UACA: variants seen among roughly 807,000 people sequenced by gnomAD.
The protein encoded by UACA is uveal autoantigen with coiled-coil domains and ankyrin repeats, also known as nuclear membrane binding protein.
UACA carries 112 observed loss-of-function variants against 160.5 expected under a neutral mutation model. The ratio of observed to expected loss-of-function variants is 0.70; its 90% confidence interval spans 0.60 to 0.82. The LOEUF is 0.82. Among genes scored for constraint, UACA ranks in the 40% least tolerant of loss-of-function variants. The probability of loss-of-function intolerance (pLI) is 0.00; values close to 1 mark genes in which losing one functional copy is unlikely to be tolerated. For synonymous variants in UACA, 557 were observed against 568.4 expected, an observed-to-expected ratio of 0.98 and a Z score of 0.29; for missense variants, 1,574 against 1,614.6, an observed-to-expected ratio of 0.97 and a Z score of 0.43.
At chr15:70,773,376 A>T in the UACA span, among the ~76,000 whole-genome samples, 3 of 152,336 alleles carry the variant, frequency 2.0e-5, no homozygotes, top group East Asian at 5.8e-4. Context: ...GAGAGCAGAG[A>T]AATAGGGATA....
At position 70,667,362 on chromosome 15, in the gene UACA, G is replaced by C. The variant is rs143154561; in HGVS notation, c.3322C>G (p.Gln1108Glu). 2.9e-5 allele frequency: 46 copies of C among 1,612,238 alleles called. No individual in the cohort carries two copies. The Middle Eastern group carries it at 1.7e-3, about 58-fold the overall frequency. ...SEILAVQNLL[Q>E]KQHVPLEQVE... ...TGTTCCAATGGAACATGTTGTTTTTGCAAAAGATTTTGCACTGCAAGTATC... is the reference window on the plus strand; with the variant it reads ...TGTTCCAATGGAACATGTTGTTTTTCCAAAAGATTTTGCACTGCAAGTATC... The change falls in exon 16 of 19, where the codon CAA becomes GAA. Residue 1108 changes from glutamine to glutamate, a missense_variant. Gln to Glu is a conservative substitution (Grantham distance 29). Coordinates refer to ENST00000322954, the MANE Select transcript of UACA (RefSeq NM_018003.4).
chr15:70,763,734 C>A, upstream of UACA: 1 of 290,048 alleles, frequency 3.4e-6, no homozygotes, highest in East Asian at 6.6e-5. Flanking sequence ...CGGGAAGGGG[C>A]GGAGGAGGTG....
intron 2 of UACA, among the ~76,000 whole-genome samples, chr15:70,699,080 G>A (rs1032155728): frequency 7.2e-5 from 11 of 152,144 alleles, no homozygotes; most frequent in African/African-American, 2.7e-4. Flanking sequence ...TGGGGGTTGG[G>A]AGAAAAGACA....
At chr15:70,743,982 C>T (rs1358701159) in intron 1 of UACA, among the ~76,000 whole-genome samples, 1 of 152,082 alleles carries the variant, frequency 6.6e-6, no homozygotes, top group African/African-American at 2.4e-5. Context: ...CGGTGGCTCA[C>T]GCCTGTAATT....
intron 18 of UACA, among the ~76,000 whole-genome samples, chr15:70,659,531 C>A (rs182272477): frequency 2.0e-5 from 3 of 147,808 alleles, no homozygotes; most frequent in African/African-American, 7.4e-5. Flanking sequence ...GAAAAAAAAT[C>A]TATTCTGAGA....
In UACA at chr15:70,763,518, A is replaced by ACCTG; in HGVS notation, c.-115_-112dup. On this transcript the variant is annotated 5_prime_UTR_variant, in exon 1 of 19. Transcript: ENST00000322954. Reference sequence around the variant, plus strand: ...AGGCGGCGCGGGCTGTACCAGCCCCACCTGCCTGCCACCTGCGGGCCCCGG... The same window carrying ACCTG: ...AGGCGGCGCGGGCTGTACCAGCCCCACCTGCCTGCCTGCCACCTGCGGGCCCCGG... 8.0e-7 allele frequency: 1 copy of ACCTG among 1,247,424 alleles called. No homozygotes were observed. Among genetic ancestry groups the ACCTG allele is most frequent in the Non-Finnish European group, 1.0e-6 (1 of 990,654 alleles). The allele number at this position is 1,247,424 out of a possible 1,614,324, so 77.3% of individuals were successfully genotyped here. A position where few individuals can be genotyped will look rare whatever the true frequency, so the allele number is the denominator to read the frequency against.
rs934543893 is a variant in UACA, at chr15:70,668,247, T to A, written c.2437A>T (p.Ile813Leu). Residue 813 changes from isoleucine (I) to leucine (L), a missense_variant, in exon 16 of 19, where the codon ATA (isoleucine) becomes TTA (leucine). Ile to Leu is a conservative substitution (Grantham distance 5, BLOSUM62 2). Coordinates refer to ENST00000322954, the MANE Select transcript of UACA (RefSeq NM_018003.4). ...ACAATATTGGATTTCAGAGCTATTATCTCTTTTTCATGTTTCTCAGGAGGT... is the reference window on the plus strand; with the variant it reads ...ACAATATTGGATTTCAGAGCTATTAACTCTTTTTCATGTTTCTCAGGAGGT... ...FVPPEKHEKE[I>L]IALKSNIVEL... The A allele has an allele frequency of 6.2e-7, 1 of 1,613,318 alleles. No homozygotes were observed. The highest frequency in any genetic ancestry group is 8.5e-7 in the Non-Finnish European group (1 of 1,179,916).
At chr15:70,701,176 AC>A in intron 1 of UACA, among the ~76,000 whole-genome samples, 1 of 152,320 alleles carries the variant, frequency 6.6e-6, no homozygotes. Context: ...TCTCTAAATT[AC>A]TTAAATTTGG....
chr15:70,692,154 C>T (rs543822354), intron 3 of UACA, among the ~76,000 whole-genome samples: 3 of 152,256 alleles, frequency 2.0e-5, no homozygotes, highest in African/African-American at 4.8e-5. Context: ...TCTAATCTCA[C>T]AAACTTCTTT....
chr15:70,721,327 T>C (rs1022470490), intron 1 of UACA, among the ~76,000 whole-genome samples: 2 of 152,068 alleles, frequency 1.3e-5, no homozygotes, highest in Non-Finnish European at 2.9e-5. Flanking sequence ...GGTGGCAAAA[T>C]ATAAAACTAC....
chr15:70,676,512 T>C lies in UACA; in HGVS notation c.1112A>G (p.Asn371Ser), dbSNP rs1418353952. 6 of 1,611,304 alleles carry C rather than the reference T, an allele frequency of 3.7e-6. No homozygotes were observed. The African/African-American group carries it at 6.7e-5, about 18-fold the overall frequency. ...ESLRTIEALKNRFKYFESDHL... is the reference protein window; with the variant it reads ...ESLRTIEALKSRFKYFESDHL... ...CTATACCTCAAAATATTTAAATCTA[T>C]TTTTCAGAGCCTCAATAGTCCTTAA... The change falls in exon 13 of 19, where the codon AAT becomes AGT. Residue 371 changes from asparagine (N) to serine (S), a missense_variant. Asn to Ser is a conservative substitution (Grantham distance 46). Transcript: ENST00000322954.
chr15:70,767,269 AC>A (rs796310548), upstream of UACA, among the ~76,000 whole-genome samples: 321 of 121,540 alleles, frequency 2.6e-3, 25 homozygotes, highest in African/African-American at 8.7e-3. Context: ...AAAAACAAAA[AC>A]AAAAACAACA....
intron 9 of UACA, among the ~76,000 whole-genome samples, chr15:70,680,497 T>C (rs1020353044): frequency 2.0e-5 from 3 of 152,224 alleles, no homozygotes; most frequent in African/African-American, 7.2e-5. Context: ...TCAAATGAGT[T>C]TGGATCTAGA....
upstream of UACA, among the ~76,000 whole-genome samples, chr15:70,764,701 T>C (rs570207078): frequency 6.6e-6 from 1 of 152,340 alleles, no homozygotes; most frequent in African/African-American, 2.4e-5. Flanking sequence ...GTTAACCCTA[T>C]ACAACAAGTA....
At chr15:70,772,639 A>G in the UACA span, among the ~76,000 whole-genome samples, 6 of 152,164 alleles carry the variant, frequency 3.9e-5, no homozygotes, top group South Asian at 1.0e-3. Context: ...CATCCAAGTG[A>G]GGATATATTA....
intron 1 of UACA, among the ~76,000 whole-genome samples, chr15:70,709,824 C>G (rs1830860086): frequency 6.6e-6 from 1 of 152,074 alleles, no homozygotes; most frequent in Non-Finnish European, 1.5e-5. Flanking sequence ...CAAATCATAG[C>G]TAAAATGATT....
chr15:70,739,860 T>C (rs1476369520), intron 1 of UACA, among the ~76,000 whole-genome samples: 2 of 152,154 alleles, frequency 1.3e-5, no homozygotes, highest in African/African-American at 4.8e-5. Flanking sequence ...CTTACAACTC[T>C]ATCTCATCTC....
chr15:70,727,971 T>C (rs1312710348), intron 1 of UACA, among the ~76,000 whole-genome samples: 1 of 152,154 alleles, frequency 6.6e-6, no homozygotes, highest in Non-Finnish European at 1.5e-5. Flanking sequence ...AATAACCTGG[T>C]GCATAACACT....
intron 1 of UACA, among the ~76,000 whole-genome samples, chr15:70,720,690 T>C (rs915307378): frequency 6.6e-6 from 1 of 152,230 alleles, no homozygotes; most frequent in African/African-American, 2.4e-5. Context: ...AAGAGATAAA[T>C]ATATTTTGTA....
Sources: allele counts gnomAD v4.1 joint callset (sites outside exome capture counted in the v4.1 genomes callset), GRCh38; gene constraint gnomAD v4.1.1; transcripts MANE v1.5; gene names NCBI Gene and HGNC (gene_info 2026-07-23, HGNC 2026-07-21).